ALCAM: variants seen among roughly 807,000 people sequenced by gnomAD.
ALCAM encodes CD166 antigen.
Under a neutral mutation model 70.9 loss-of-function variants are expected in ALCAM, and 30 were observed. The ratio of observed to expected loss-of-function variants is 0.42; its 90% CI spans 0.32 to 0.57. ALCAM has a LOEUF of 0.57. Ranked by LOEUF, ALCAM falls within the 20% of genes least tolerant of loss-of-function variation. The pLI is 0.11. For missense variants in ALCAM, 591 were observed against 695.1 expected, an observed-to-expected ratio of 0.85 and a Z score of 1.68; for synonymous variants, 249 against 242.5, an observed-to-expected ratio of 1.03 and a Z score of -0.25.
intron 6 of ALCAM, among the ~76,000 whole-genome samples, chr3:105,537,372 T>C (rs1363342493): frequency 6.6e-6 from 1 of 152,044 alleles, no homozygotes; most frequent in South Asian, 2.1e-4. Flanking sequence ...TAAACTGCCC[T>C]CCAAACTGCT....
intron 1 of ALCAM, among the ~76,000 whole-genome samples, chr3:105,373,127 A>T (rs1935279088): frequency 6.6e-6 from 1 of 152,038 alleles, no homozygotes. Context: ...TACCCTTTTC[A>T]TGTTATGAGT....
intron 1 of ALCAM, among the ~76,000 whole-genome samples, chr3:105,394,521 A>G (rs1935901309): frequency 6.6e-6 from 1 of 151,960 alleles, no homozygotes; most frequent in Non-Finnish European, 1.5e-5. Flanking sequence ...AACTGCAGGG[A>G]TTTCCTTAGA....
chr3:105,490,506 T>C (rs1449588829), intron 1 of ALCAM, among the ~76,000 whole-genome samples: 1 of 152,206 alleles, frequency 6.6e-6, no homozygotes, highest in East Asian at 1.9e-4. Context: ...GTATATTTTC[T>C]GTTCACATTT....
In ALCAM at chr3:105,397,242, A is replaced by G. The variant is rs369772134; in HGVS notation, c.73+29761A>G. 2.8e-4 allele frequency among the ~76,000 whole-genome samples: 43 copies of G among 152,180 alleles called. No individual in the cohort carries two copies. In the East Asian group the frequency reaches 3.3e-3, roughly 12 times the overall value. On this transcript the variant is annotated intron_variant, in intron 1 of 15. Coordinates refer to ENST00000306107, the MANE Select transcript of ALCAM (RefSeq NM_001627.4). ...AGTTTAAGCTTTACAGATAAATATT[A>G]TACTATTGTTTTAAGTTTTGATTTT...
chr3:105,423,394 C>T (rs1260766939), intron 1 of ALCAM, among the ~76,000 whole-genome samples: 2 of 150,306 alleles, frequency 1.3e-5, no homozygotes, highest in Non-Finnish European at 3.0e-5. Flanking sequence ...TAACATTAGG[C>T]TTAATCAGTT....
At chr3:105,383,192 G>A (rs895288801) in intron 1 of ALCAM, among the ~76,000 whole-genome samples, 1 of 151,564 alleles carries the variant, frequency 6.6e-6, no homozygotes, top group Admixed American at 6.6e-5. Flanking sequence ...TCTCTCTAAG[G>A]TGCCTGTCCT....
rs1937041028 is a variant in ALCAM at position 105,436,011 on chromosome 3, G to C, written c.73+68530G>C. Among the ~76,000 whole-genome samples the C allele has an allele frequency of 2.0e-5, 3 of 152,160 alleles. No homozygotes were observed. In the South Asian group the frequency reaches 6.2e-4, roughly 32 times the overall value. ...GAAGGAGCAAGTCACATCTTACATG[G>C]ATGGCGGCAGGCAAAGAGAGAGCTT... On this transcript the variant is annotated intron_variant, in intron 1 of 15. Coordinates refer to ENST00000306107, the MANE Select transcript of ALCAM (RefSeq NM_001627.4).
chr3:105,372,571 G>A (rs930747362), intron 1 of ALCAM, among the ~76,000 whole-genome samples: 5 of 152,018 alleles, frequency 3.3e-5, no homozygotes, highest in South Asian at 2.1e-4. Flanking sequence ...TCAGAGTTGC[G>A]CACAATCCAA....
At chr3:105,571,677 T>G (rs542725513) in intron 14 of ALCAM, among the ~76,000 whole-genome samples, 175 bp from the exon 15 acceptor site, 2 of 152,282 alleles carry the variant, frequency 1.3e-5, no homozygotes. Context: ...CCAAGCTAAT[T>G]TCAGTACAAT....
intron 1 of ALCAM, among the ~76,000 whole-genome samples, chr3:105,426,862 A>G (rs1936802902): frequency 6.6e-6 from 1 of 151,950 alleles, no homozygotes; most frequent in Non-Finnish European, 1.5e-5. Context: ...ATCATAGGAA[A>G]CAATTTTTAA....
rs976524181 is a variant in ALCAM at position 105,479,564 on chromosome 3, G to A, written c.74-40503G>A. On this transcript the variant is annotated intron_variant, in intron 1 of 15. Coordinates refer to ENST00000306107, the MANE Select transcript of ALCAM (RefSeq NM_001627.4). ...GGCTTTTCACATTATTTTCTAGAAAGAGAGACAACGAGCTTCAGACATGCT... is the reference window on the plus strand; with the variant it reads ...GGCTTTTCACATTATTTTCTAGAAAAAGAGACAACGAGCTTCAGACATGCT... 2.6e-5 allele frequency among the ~76,000 whole-genome samples: 4 copies of A among 152,166 alleles called. No homozygotes were observed. In the East Asian group the frequency reaches 7.7e-4, roughly 29 times the overall value.
chr3:105,407,039 G>A (rs1407857503), intron 1 of ALCAM, among the ~76,000 whole-genome samples: 5 of 151,948 alleles, frequency 3.3e-5, no homozygotes, highest in African/African-American at 4.8e-5. Flanking sequence ...CCAATAACAA[G>A]CAACAAGACT....
At chr3:105,543,559 G>C (rs959132020) in intron 8 of ALCAM, among the ~76,000 whole-genome samples, 1 of 151,548 alleles carries the variant, frequency 6.6e-6, no homozygotes, top group Non-Finnish European at 1.5e-5. Flanking sequence ...AGGAAGTGTG[G>C]GTAGAGAAGC....
intron 1 of ALCAM, among the ~76,000 whole-genome samples, chr3:105,412,757 G>A (rs1336266215): frequency 2.6e-5 from 4 of 151,994 alleles, no homozygotes; most frequent in Admixed American, 6.6e-5. Context: ...CCTAATTTTG[G>A]AAAATACTTG....
chr3:105,423,170 A>G (rs1345982272), intron 1 of ALCAM, among the ~76,000 whole-genome samples: 2 of 151,472 alleles, frequency 1.3e-5, no homozygotes, highest in Non-Finnish European at 3.0e-5. Flanking sequence ...ATAATTTATT[A>G]TAAACATTAT....
At chr3:105,431,124 C>T (rs558410400) in intron 1 of ALCAM, among the ~76,000 whole-genome samples, 1 of 149,310 alleles carries the variant, frequency 6.7e-6, no homozygotes, top group East Asian at 2.0e-4. Flanking sequence ...TGCAAATCCC[C>T]ACTTATATCC....
intron 1 of ALCAM, among the ~76,000 whole-genome samples, chr3:105,466,919 C>T (rs1005988234): frequency 1.3e-5 from 2 of 151,292 alleles, no homozygotes; most frequent in South Asian, 2.1e-4. Context: ...AAATGACTTA[C>T]ATTAAGTAAG....
intron 1 of ALCAM, among the ~76,000 whole-genome samples, chr3:105,494,073 C>A (rs1938666515): frequency 6.9e-6 from 1 of 144,978 alleles, no homozygotes; most frequent in Non-Finnish European, 1.5e-5. Flanking sequence ...TTTAAGAGTT[C>A]TTGTTTTCAT....
chr3:105,471,479 G>A (rs536409549), intron 1 of ALCAM, among the ~76,000 whole-genome samples: 6 of 151,346 alleles, frequency 4.0e-5, no homozygotes, highest in South Asian at 2.1e-4. Flanking sequence ...GAGCTTCCAC[G>A]TAAATACGAC....
Sources: gnomAD v4.1 joint callset for allele counts (sites outside exome capture counted in the v4.1 genomes callset) on GRCh38, gnomAD v4.1.1 for gene constraint, MANE v1.5 for transcripts, NCBI Gene and HGNC (gene_info 2026-07-23, HGNC 2026-07-21) for gene names.